CSMD1: variants seen among roughly 807,000 people sequenced by gnomAD.
The protein encoded by CSMD1 is CUB and Sushi multiple domains 1.
CSMD1 carries 213 observed loss-of-function variants against 417.5 expected under a neutral mutation model. The ratio of observed to expected loss-of-function variants is 0.51; its 90% CI spans 0.46 to 0.57. The LOEUF is 0.57. Among genes scored for constraint, CSMD1 ranks in the 20% least tolerant of loss-of-function variants. CSMD1 has a pLI of 0.00. For missense variants in CSMD1, 6,923 were observed against 4,529.7 expected (o/e 1.53, Z -15.17); for synonymous variants, 2,862 against 1,736.8 (o/e 1.65, Z -16.11).
At chr8:3,614,588 G>A (rs10112183) in intron 8 of CSMD1, among the ~76,000 whole-genome samples, 5,134 of 152,218 alleles carry the variant, frequency 0.034, 202 homozygotes, top group East Asian at 0.13. Context: ...TTTAAAACAT[G>A]AAGTGCAATT....
intron 27 of CSMD1, among the ~76,000 whole-genome samples, chr8:3,227,703 G>A (rs1193290089): frequency 6.6e-6 from 1 of 151,686 alleles, no homozygotes; most frequent in African/African-American, 2.4e-5. Flanking sequence ...TACACACCAT[G>A]TACTGGTAAG....
At chr8:3,989,234 C>A (rs1324333962) in intron 5 of CSMD1, among the ~76,000 whole-genome samples, 1 of 152,182 alleles carries the variant, frequency 6.6e-6, no homozygotes, top group Non-Finnish European at 1.5e-5. Flanking sequence ...AGACAGTGAT[C>A]TGGGACTTCC....
intron 5 of CSMD1, among the ~76,000 whole-genome samples, chr8:3,918,615 G>A (rs1038396140): frequency 1.3e-4 from 20 of 152,006 alleles, no homozygotes; most frequent in African/African-American, 4.6e-4. Flanking sequence ...TTTGCAATGT[G>A]GAACCAGCAT....
intron 23 of CSMD1, among the ~76,000 whole-genome samples, chr8:3,321,500 A>G (rs768879643): frequency 6.6e-6 from 1 of 152,104 alleles, no homozygotes; most frequent in Non-Finnish European, 1.5e-5. Flanking sequence ...CTCTGCGTGT[A>G]TCTAATTCTT....
chr8:3,763,021 T>C (rs56027527), intron 5 of CSMD1, among the ~76,000 whole-genome samples: 7,758 of 152,254 alleles, frequency 0.051, 243 homozygotes, highest in Middle Eastern at 0.099. Context: ...GTGATTTGTA[T>C]AGTTATTTGC....
At chr8:3,113,713 G>C (rs1816678735) in intron 42 of CSMD1, among the ~76,000 whole-genome samples, 1 of 152,166 alleles carries the variant, frequency 6.6e-6, no homozygotes, top group Non-Finnish European at 1.5e-5. Flanking sequence ...ACACACAAAA[G>C]TTATGGGTAT....
At chr8:4,932,768 C>A (rs1275381976) in intron 1 of CSMD1, among the ~76,000 whole-genome samples, 2 of 152,172 alleles carry the variant, frequency 1.3e-5, no homozygotes, top group Non-Finnish European at 2.9e-5. Flanking sequence ...CTTACACTGA[C>A]TTAAAGGTAA....
intron 2 of CSMD1, among the ~76,000 whole-genome samples, chr8:4,531,871 CGGA>C (rs1796834824): frequency 6.6e-6 from 1 of 151,850 alleles, no homozygotes. Context: ...TCAGTCACTC[CGGA>C]AGAGAAATCC....
intron 3 of CSMD1, among the ~76,000 whole-genome samples, chr8:4,378,171 G>C (rs576932099): frequency 6.6e-6 from 1 of 152,132 alleles, no homozygotes; most frequent in African/African-American, 2.4e-5. Flanking sequence ...TTATACTCTA[G>C]ATATTGCGAC....
At chr8:4,440,164 C>T (rs76876075) in intron 2 of CSMD1, among the ~76,000 whole-genome samples, 14,716 of 152,148 alleles carry the variant, frequency 0.097, 986 homozygotes, top group Admixed American at 0.2. Flanking sequence ...TTGGACGTTT[C>T]TTTCTAGATT....
chr8:4,923,556 A>G (rs1806644429), intron 1 of CSMD1, among the ~76,000 whole-genome samples: 1 of 151,930 alleles, frequency 6.6e-6, no homozygotes, highest in Non-Finnish European at 1.5e-5. Context: ...TGCCCACATA[A>G]CTTAAAAATA....
intron 21 of CSMD1, among the ~76,000 whole-genome samples, chr8:3,348,749 C>T (rs1187225217): frequency 6.6e-6 from 1 of 152,150 alleles, no homozygotes; most frequent in Non-Finnish European, 1.5e-5. Context: ...CCCTCTTTCC[C>T]AATGAAGGAA....
chr8:3,878,643 CAA>C (rs1217567873), intron 5 of CSMD1, among the ~76,000 whole-genome samples: 1 of 152,066 alleles, frequency 6.6e-6, no homozygotes, highest in Non-Finnish European at 1.5e-5. Context: ...GAAAAATCTC[CAA>C]AAGACCCAAA....
intron 3 of CSMD1, among the ~76,000 whole-genome samples, chr8:4,117,656 G>T (rs140508931): frequency 6.6e-6 from 1 of 152,056 alleles, no homozygotes; most frequent in Non-Finnish European, 1.5e-5. Context: ...CGCACTTCTG[G>T]GTGCCAAATA....
chr8:3,410,783 G>T (rs1482662322), intron 12 of CSMD1, among the ~76,000 whole-genome samples: 1 of 152,098 alleles, frequency 6.6e-6, no homozygotes. Context: ...CTGTTGTCCA[G>T]GCCGGAGTGC....
chr8:4,630,568 C>A (rs955215305), intron 2 of CSMD1, among the ~76,000 whole-genome samples: 1 of 152,116 alleles, frequency 6.6e-6, no homozygotes, highest in Non-Finnish European at 1.5e-5. Context: ...CATATGTTGA[C>A]AAGAGCAATT....
intron 1 of CSMD1, among the ~76,000 whole-genome samples, chr8:4,745,004 C>G (rs1306705862): frequency 6.6e-6 from 1 of 152,062 alleles, no homozygotes; most frequent in Non-Finnish European, 1.5e-5. Flanking sequence ...AAACATCAAC[C>G]TATCATAATA....
chr8:3,796,315 ATATC>A (rs367922563), intron 5 of CSMD1, among the ~76,000 whole-genome samples: 1,500 of 51,966 alleles, frequency 0.029, 313 homozygotes, highest in Middle Eastern at 0.12. Context: ...ATAGATATAG[ATATC>A]TATCATGTAT....
intron 2 of CSMD1, among the ~76,000 whole-genome samples, chr8:4,540,109 C>T (rs1255437737): frequency 6.6e-6 from 1 of 152,050 alleles, no homozygotes; most frequent in Non-Finnish European, 1.5e-5. Context: ...ATATATAAGC[C>T]CTATGAATAT....
Sources: allele counts gnomAD v4.1 joint callset (sites outside exome capture counted in the v4.1 genomes callset), GRCh38; gene constraint gnomAD v4.1.1; transcripts MANE v1.5; gene names NCBI Gene and HGNC (gene_info 2026-07-23, HGNC 2026-07-21).